Variants in ZNF479 observed in about 807,000 individuals in gnomAD.
The protein encoded by ZNF479 is zinc finger protein 479.
ZNF479 carries 15 observed loss-of-function variants against 14.7 expected under a neutral mutation model. The ratio of observed to expected loss-of-function variants is 1.02; its 90% CI spans 0.68 to 1.57. The LOEUF (loss-of-function observed/expected upper bound fraction) is 1.57. Ranked by LOEUF, ZNF479 falls within the 40% of genes most tolerant of loss-of-function variation. The pLI, the probability that ZNF479 is intolerant of heterozygous loss-of-function variation, is 0.00. For missense variants in ZNF479, 506 were observed against 615.1 expected (o/e 0.82, Z 1.88); for synonymous variants, 145 against 211.5 (o/e 0.69, Z 2.73).
rs1296580555 is a variant in ZNF479, at chr7:57,119,335, G to T, written c.*505C>A. Reference sequence around the variant, plus strand: ...TTTGTCACTTTTTTTATGTTTCTAGGGTCTCTGTAATATAAGTTCTCTTAG... The same window carrying T: ...TTTGTCACTTTTTTTATGTTTCTAGTGTCTCTGTAATATAAGTTCTCTTAG... On this transcript the variant is annotated 3_prime_UTR_variant, in exon 4 of 4. Transcript: ENST00000319636. Among the ~76,000 whole-genome samples the T allele has an allele frequency of 6.6e-6, 1 of 152,054 alleles. No homozygotes were observed. The highest frequency in any genetic ancestry group is 1.5e-5 in the Non-Finnish European group (1 of 68,032).
rs1554400472 is a variant in ZNF479 at position 57,120,987 on chromosome 7, C to T, written c.428G>A (p.Ser143Asn). ...AGTTGACAAACATTGGTTAACTTCA[C>T]TATAACCTCCCTTGTGCACCTCATA... ...GEYEVHKGGYSEVNQCLSTTQ... is the reference protein window; with the variant it reads ...GEYEVHKGGYNEVNQCLSTTQ... Residue 143 changes from serine to asparagine, a missense_variant, in exon 4 of 4, where the codon AGT (serine) becomes AAT (asparagine). This residue lies in a region of ZNF479 where 420 missense variants were observed against 474.2 expected (regional missense o/e 0.89). Transcript: ENST00000319636. 2 of 1,613,972 alleles carry T rather than the reference C, an allele frequency of 1.2e-6. No individual in the cohort carries two copies. The highest frequency in any genetic ancestry group is 1.7e-6 in the Non-Finnish European group (2 of 1,180,028).
chr7:57,127,238 G>T (rs1786214818), intron 1 of ZNF479, among the ~76,000 whole-genome samples: 1 of 151,880 alleles, frequency 6.6e-6, no homozygotes, highest in African/African-American at 2.4e-5. Context: ...GACCTGGCAG[G>T]TCTTGCACTC....
At position 57,120,445 on chromosome 7, in the gene ZNF479, G is replaced by T; in HGVS notation, c.970C>A (p.Pro324Thr). 1.2e-6 allele frequency: 2 copies of T among 1,611,872 alleles called. No homozygotes were observed. The highest frequency in any genetic ancestry group is 1.7e-6 in the Non-Finnish European group (2 of 1,179,428). The change falls in exon 4 of 4, where the codon CCC (proline) becomes ACC (threonine). Residue 324 changes from proline (P) to threonine (T), a missense_variant. Transcript: ENST00000319636. ...DHKRIHTGEKPCRCEECGKAF... is the reference protein window; with the variant it reads ...DHKRIHTGEKTCRCEECGKAF... ...TTGCCACATTCCTCACACCTGCAGG[G>T]TTTCTCTCCAGTATGAATTCTCTTG...
chr7:57,123,781 C>A (rs981915991), intron 3 of ZNF479, among the ~76,000 whole-genome samples: 1 of 151,470 alleles, frequency 6.6e-6, no homozygotes, highest in African/African-American at 2.4e-5. Context: ...TGCAGTGAGC[C>A]AAGATTGTGC....
intron 1 of ZNF479, 50 bp downstream of exon 1, chr7:57,132,236 G>T: frequency 6.2e-7 from 1 of 1,613,854 alleles, no homozygotes; most frequent in Non-Finnish European, 8.5e-7. Context: ...CTTTCTGCCG[G>T]TTCCAATCAG....
chr7:57,127,809 T>C (rs1786237500), intron 1 of ZNF479, among the ~76,000 whole-genome samples: 1 of 151,988 alleles, frequency 6.6e-6, no homozygotes, highest in African/African-American at 2.4e-5. Flanking sequence ...AAAATTGTTA[T>C]CAACTTTATT....
At chr7:57,123,665 C>G (rs1169921023) in intron 3 of ZNF479, among the ~76,000 whole-genome samples, 1 of 151,970 alleles carries the variant, frequency 6.6e-6, no homozygotes, top group Non-Finnish European at 1.5e-5. Context: ...GAGACCCTGT[C>G]TCTACAAATA....
chr7:57,119,212 G>A lies in ZNF479; in HGVS notation c.*628C>T, dbSNP rs1386319976. Reference sequence around the variant, plus strand: ...TCTCTTATGTATAATAAGGGTTCAAGACTAGTTAACAGCTTTACCACATTC... The same window carrying A: ...TCTCTTATGTATAATAAGGGTTCAAAACTAGTTAACAGCTTTACCACATTC... On this transcript the variant is annotated 3_prime_UTR_variant, in exon 4 of 4. Transcript: ENST00000319636. Among the ~76,000 whole-genome samples the A allele has an allele frequency of 3.3e-5, 5 of 152,150 alleles. 1 individual carries two copies. The highest frequency in any genetic ancestry group is 1.2e-4 in the African/African-American group (5 of 41,434).
In ZNF479 at chr7:57,139,753, C is replaced by G. The variant is rs149023861; in HGVS notation, c.-160G>C. ...CCTTAGTTGGGATTGTGACATATCACAAGACCTTTAACCCAAATGATATAA... is the reference window on the plus strand; with the variant it reads ...CCTTAGTTGGGATTGTGACATATCAGAAGACCTTTAACCCAAATGATATAA... On this transcript the variant is annotated 5_prime_UTR_variant, in exon 1 of 5. Coordinates refer to the ZNF479 transcript ENST00000331162. 2.1e-3 allele frequency: 314 copies of G among 152,302 alleles called. 1 individual carries two copies. The highest frequency in any genetic ancestry group is 7.4e-3 in the African/African-American group (306 of 41,566). 9.4% of individuals were successfully genotyped at this position (152,302 alleles called of 1,614,324 possible). A position where few individuals can be genotyped will look rare whatever the true frequency, so the allele number is the denominator to read the frequency against.
intron 1 of ZNF479, among the ~76,000 whole-genome samples, chr7:57,137,833 T>C (rs1786715125): frequency 2.0e-5 from 3 of 152,210 alleles, no homozygotes; most frequent in Admixed American, 2.0e-4. Context: ...GATGTGACTC[T>C]CCCTTTCTGC....
At chr7:57,134,575 T>G (rs556223913), upstream of ZNF479, among the ~76,000 whole-genome samples, 6 of 152,146 alleles carry the variant, frequency 3.9e-5, no homozygotes, top group Non-Finnish European at 7.4e-5. Flanking sequence ...CTGCTCTGCC[T>G]AGAGAGTAGC....
chr7:57,127,856 CACA>C (rs202199591), intron 1 of ZNF479, among the ~76,000 whole-genome samples: 4,543 of 151,524 alleles, frequency 0.03, 273 homozygotes, highest in African/African-American at 0.1. Context: ...GCACACACAA[CACA>C]ACATCACTGC....
chr7:57,134,294 G>A (rs34018796), upstream of ZNF479, among the ~76,000 whole-genome samples: 43,417 of 152,046 alleles, frequency 0.29, 7,159 homozygotes, highest in East Asian at 0.53. Context: ...ACCAAGGTGG[G>A]AATGAAAGGG....
rs1554399551 is a variant in ZNF479 at position 57,119,234 on chromosome 7, A to G, written c.*606T>C. Among the ~76,000 whole-genome samples, 2 of 152,192 alleles carry G rather than the reference A, an allele frequency of 1.3e-5. No individual in the cohort carries two copies. The highest frequency in any genetic ancestry group is 1.5e-5 in the Non-Finnish European group (1 of 68,042). On this transcript the variant is annotated 3_prime_UTR_variant, in exon 4 of 4. Coordinates refer to ENST00000319636, the MANE Select transcript of ZNF479 (RefSeq NM_001370129.2). ...CAAGACTAGTTAACAGCTTTACCACATTCTTTGCTTTTGTAGAGTTTCTCT... is the reference window on the plus strand; with the variant it reads ...CAAGACTAGTTAACAGCTTTACCACGTTCTTTGCTTTTGTAGAGTTTCTCT...
At position 57,119,798 on chromosome 7, in the gene ZNF479, T is replaced by A. The variant is rs1272998372; in HGVS notation, c.*42A>T. On this transcript the variant is annotated 3_prime_UTR_variant, in exon 4 of 4. Transcript: ENST00000319636. ...TTGTAGTGTTTTTTTCCAGTGTAAA[T>A]TATTTTATGTATTATAAGGCCTGAG... The A allele has an allele frequency of 4.6e-6, 7 of 1,514,230 alleles. No homozygotes were observed. The highest frequency in any genetic ancestry group is 6.3e-6 in the Non-Finnish European group (7 of 1,114,158). The allele number at this position is 1,514,230 out of a possible 1,614,324, so 93.8% of individuals were successfully genotyped here. A position where few individuals can be genotyped will look rare whatever the true frequency, so the allele number is the denominator to read the frequency against.
chr7:57,124,104 C>T (rs186506403), intron 3 of ZNF479, among the ~76,000 whole-genome samples: 120 of 152,014 alleles, frequency 7.9e-4, no homozygotes, highest in Non-Finnish European at 1.6e-3. Flanking sequence ...ATCAAAATTC[C>T]AAAAGTATAT....
chr7:57,121,524 G>T (rs1359716500), intron 3 of ZNF479, among the ~76,000 whole-genome samples: 1 of 152,198 alleles, frequency 6.6e-6, no homozygotes, highest in Non-Finnish European at 1.5e-5. Context: ...ACTGCAGAAA[G>T]ACTGCAGTAT....
chr7:57,137,326 C>T (rs1786695154), upstream of ZNF479, among the ~76,000 whole-genome samples: 1 of 151,918 alleles, frequency 6.6e-6, no homozygotes, highest in Non-Finnish European at 1.5e-5. Flanking sequence ...TGTATTTTTA[C>T]TAAATACTAA....
At chr7:57,124,467 A>G (rs1459226696) in intron 3 of ZNF479, among the ~76,000 whole-genome samples, 1 of 152,220 alleles carries the variant, frequency 6.6e-6, no homozygotes, top group Admixed American at 6.5e-5. Flanking sequence ...AAAATATTTT[A>G]AACAAAGTAC....
Sources: allele counts gnomAD v4.1 joint callset (sites outside exome capture counted in the v4.1 genomes callset), GRCh38; gene constraint gnomAD v4.1.1; regional missense constraint gnomAD v4.1.1; transcripts MANE v1.5; gene names NCBI Gene and HGNC (gene_info 2026-07-23, HGNC 2026-07-21).